Variants in PTPN22 observed in about 807,000 individuals in gnomAD.
PTPN22 encodes protein tyrosine phosphatase non-receptor type 22.
In PTPN22, 85 loss-of-function variants were observed where a neutral mutation model predicts 103.3. That is an observed-to-expected ratio of 0.82 (90% CI 0.69 to 0.99). The LOEUF is 0.99. Ranked by LOEUF, PTPN22 falls within the 50% of genes least tolerant of loss-of-function variation. The probability of loss-of-function intolerance (pLI) is 0.00; values close to 1 mark genes in which losing one functional copy is unlikely to be tolerated. For missense variants in PTPN22, 865 were observed against 936.9 expected (o/e 0.92, Z 1.00); for synonymous variants, 323 against 310.2 (o/e 1.04, Z -0.43).
At chr1:113,861,708 C>T (rs897655180) in intron 1 of PTPN22, among the ~76,000 whole-genome samples, 7 of 152,094 alleles carry the variant, frequency 4.6e-5, no homozygotes, top group Non-Finnish European at 1.0e-4. Context: ...ACCTCTCTTC[C>T]TGCCAGACTC....
intron 2 of PTPN22, 119 bp from the exon 3 acceptor site, chr1:113,859,197 T>C: frequency 6.5e-7 from 1 of 1,549,588 alleles, no homozygotes; most frequent in Non-Finnish European, 8.7e-7. Flanking sequence ...AATGAATGAA[T>C]GAATGAATGA....
chr1:113,858,534 G>C, exon 4 of PTPN22: 1 of 1,605,442 alleles, frequency 6.2e-7, no homozygotes, highest in Non-Finnish European at 8.5e-7. Flanking sequence ...GTAGATAAAG[G>C]ACCCTGGGTG....
intron 19 of PTPN22, among the ~76,000 whole-genome samples, chr1:113,822,258 A>G (rs1661678076): frequency 6.6e-6 from 1 of 152,222 alleles, no homozygotes; most frequent in Admixed American, 6.5e-5. Flanking sequence ...AACAGTTGAC[A>G]GCTTCCACTC....
chr1:113,830,039 GAA>G lies in PTPN22; in HGVS notation c.2054-12_2054-11del, dbSNP rs1211001942. ...CGATCTTGATGTAGTTCTGTGATAA[GAA>G]AGTATACAATAAACCAGAGAAATCC... is the stretch of plus-strand genomic sequence containing the variant. On this transcript the variant is annotated splice_polypyrimidine_tract_variant and intron_variant, in intron 16 of 20. Transcript: ENST00000359785. 1 of 1,566,576 alleles carries G rather than the reference GAA, an allele frequency of 6.4e-7. No homozygotes were observed. The highest frequency in any genetic ancestry group is 2.2e-5 in the East Asian group (1 of 44,456).
At chr1:113,850,988 A>G (rs1177551181) in intron 10 of PTPN22, among the ~76,000 whole-genome samples, 2 of 152,316 alleles carry the variant, frequency 1.3e-5, no homozygotes, top group Non-Finnish European at 2.9e-5. Flanking sequence ...TTAGAAAACT[A>G]AAACTATTGG....
exon 12 of PTPN22, chr1:113,838,573 T>G (rs1303312842): frequency 6.2e-7 from 1 of 1,613,638 alleles, no homozygotes; most frequent in African/African-American, 1.3e-5. Context: ...AATAAGAGTC[T>G]GCTTGGAGAG....
intron 7 of PTPN22, 145 bp downstream of exon 7, chr1:113,856,237 T>C (rs1362638272): frequency 8.3e-7 from 1 of 1,208,482 alleles, no homozygotes; most frequent in Admixed American, 3.2e-5. Context: ...AGGCTCAAAG[T>C]TCTCTTGAAT....
At chr1:113,821,478 C>G (rs781518430) in intron 19 of PTPN22, among the ~76,000 whole-genome samples, 1 of 152,110 alleles carries the variant, frequency 6.6e-6, no homozygotes, top group African/African-American at 2.4e-5. Flanking sequence ...CATGCCAACA[C>G]GCCTGGGTAA....
chr1:113,848,685 C>T, intron 10 of PTPN22, 59 bp from the exon 11 acceptor site: 1 of 1,503,922 alleles, frequency 6.6e-7, no homozygotes, highest in Non-Finnish European at 9.1e-7. Context: ...TGGTGAACGA[C>T]AGGACCAGAT....
intron 19 of PTPN22, chr1:113,819,942 A>C (rs1661451937): frequency 5.0e-6 from 1 of 200,128 alleles, no homozygotes; most frequent in African/African-American, 2.3e-5. Context: ...ATCATGAATC[A>C]GCATTTTTTT....
chr1:113,845,337 G>A (rs1345579911), intron 11 of PTPN22, among the ~76,000 whole-genome samples: 1 of 151,568 alleles, frequency 6.6e-6, no homozygotes, highest in Non-Finnish European at 1.5e-5. Context: ...CACGTAACTG[G>A]GATTACAGGT....
intron 16 of PTPN22, 144 bp from the exon 17 acceptor site, chr1:113,830,173 G>A: frequency 1.5e-6 from 1 of 663,486 alleles, no homozygotes; most frequent in Non-Finnish European, 2.5e-6. Flanking sequence ...AAAATGACTG[G>A]AGCCTCAAGA....
exon 1 of PTPN22, chr1:113,871,691 G>T: frequency 1.4e-6 from 2 of 1,422,436 alleles, no homozygotes; most frequent in Non-Finnish European, 2.0e-6. Flanking sequence ...TGTCATGGCC[G>T]AGACACCTCC....
intron 20 of PTPN22, among the ~76,000 whole-genome samples, chr1:113,816,986 A>C (rs1160883440): frequency 6.6e-6 from 1 of 152,152 alleles, no homozygotes; most frequent in Admixed American, 6.6e-5. Context: ...AAGGGGAAAG[A>C]AGATTCAAGA....
At chr1:113,819,392 T>A (rs369289298) in intron 20 of PTPN22, 185 bp downstream of exon 20, 4 of 366,858 alleles carry the variant, frequency 1.1e-5, no homozygotes, top group Non-Finnish European at 1.9e-5. Flanking sequence ...CTAGATAATT[T>A]AGTTCTGTGT....
rs371365769 is a variant in PTPN22, at chr1:113,818,208, G to A, written c.2359+1369C>T. Among the ~76,000 whole-genome samples, 21 of 151,188 alleles carry A rather than the reference G, an allele frequency of 1.4e-4. 1 individual carries two copies. In the East Asian group the frequency reaches 1.6e-3, roughly 11 times the overall value. ...TGAGATGGAGTCTCGCTCTGTTGCC[G>A]GGATGGAGTGCAGTGGCGCAATCTC... On this transcript the variant is annotated intron_variant, in intron 20 of 20. Coordinates refer to ENST00000359785, the Ensembl canonical transcript of PTPN22.
At chr1:113,816,173 G>A (rs1357362745) in intron 20 of PTPN22, among the ~76,000 whole-genome samples, 3 of 152,146 alleles carry the variant, frequency 2.0e-5, no homozygotes, top group African/African-American at 7.2e-5. Context: ...AGATATTTGT[G>A]TAAAAAGCGA....
At chr1:113,865,382 A>C (rs926626739) in intron 1 of PTPN22, among the ~76,000 whole-genome samples, 2 of 151,266 alleles carry the variant, frequency 1.3e-5, no homozygotes, top group African/African-American at 4.9e-5. Context: ...TTGAAAAAAA[A>C]CAGACTGGTT....
chr1:113,857,621 T>G, intron 5 of PTPN22, 117 bp downstream of exon 5: 1 of 906,408 alleles, frequency 1.1e-6, no homozygotes. Flanking sequence ...AACTGAAAAC[T>G]ATGAAGATGA....
Sources: allele counts gnomAD v4.1 joint callset (sites outside exome capture counted in the v4.1 genomes callset), GRCh38; gene constraint gnomAD v4.1.1; transcripts MANE v1.5; gene names NCBI Gene and HGNC (gene_info 2026-07-23, HGNC 2026-07-21).